Variants in MAST4 observed in about 807,000 individuals in gnomAD.
The protein encoded by MAST4 is microtubule associated serine/threonine kinase family member 4, also known as microtubule-associated serine/threonine-protein kinase 4.
In MAST4, 89 loss-of-function variants were observed where a neutral mutation model predicts 162.7. The observed-to-expected ratio is 0.55, with a 90% confidence interval of 0.46 to 0.65. MAST4 has a LOEUF of 0.65. Ranked by LOEUF, MAST4 falls within the 30% of genes least tolerant of loss-of-function variation. MAST4 has a pLI of 0.00. For missense variants in MAST4, 3,153 were observed against 3,374.0 expected, an observed-to-expected ratio of 0.93 and a Z score of 1.62; for synonymous variants, 1,479 against 1,361.1, an observed-to-expected ratio of 1.09 and a Z score of -1.91.
At chr5:67,075,794 TA>T (rs2150694891) in intron 5 of MAST4, among the ~76,000 whole-genome samples, 1 of 152,352 alleles carries the variant, frequency 6.6e-6, no homozygotes, top group Admixed American at 6.5e-5. Context: ...TTTAAGTTTT[TA>T]AAATCATACT....
At chr5:66,842,509 G>T (rs1241690915) in intron 3 of MAST4, among the ~76,000 whole-genome samples, 5 of 151,984 alleles carry the variant, frequency 3.3e-5, no homozygotes, top group African/African-American at 7.2e-5. Context: ...TCCACGTGTG[G>T]GTTCACTGAC....
intron 4 of MAST4, among the ~76,000 whole-genome samples, chr5:66,919,907 TCC>T (rs1227975041): frequency 1.1e-3 from 2 of 1,806 alleles, no homozygotes. Flanking sequence ...TCTCCTTCCT[TCC>T]TTCCTTCCTT....
chr5:66,617,389 TAC>T (rs554029607), intron 1 of MAST4, among the ~76,000 whole-genome samples: 32 of 152,318 alleles, frequency 2.1e-4, no homozygotes, highest in African/African-American at 7.5e-4. Context: ...AAGTGAAACT[TAC>T]AGAGGTTAAA....
Position 67,114,183 on chromosome 5 carries a change from AT to A in MAST4, c.1557del (p.Ser520AlafsTer33). 1 of 1,611,820 alleles carries A rather than the reference AT, an allele frequency of 6.2e-7. No individual in the cohort carries two copies. Among genetic ancestry groups the A allele is most frequent in the Non-Finnish European group, 8.5e-7 (1 of 1,179,166 alleles). ...GIKTDIPRYI[I>X]SQLGLNKDPL... Reference sequence around the variant, plus strand: ...TAAAACCGACATTCCCAGGTACATCATTAGCCAACTGGGACTCAATAAGGAT... The same window carrying A: ...TAAAACCGACATTCCCAGGTACATCATAGCCAACTGGGACTCAATAAGGAT... On this transcript the variant is annotated frameshift_variant, in exon 12 of 29. Coordinates refer to ENST00000403625, the MANE Select transcript of MAST4 (RefSeq NM_001164664.2). LOFTEE classifies it high-confidence loss of function.
intron 16 of MAST4, 82 bp downstream of exon 16, chr5:67,132,033 A>C: frequency 6.9e-7 from 1 of 1,442,546 alleles, no homozygotes. Flanking sequence ...TCTTTTAGTC[A>C]ATGTACATTT....
At chr5:66,598,777 G>C (rs767433458) in intron 1 of MAST4, among the ~76,000 whole-genome samples, 8 of 152,204 alleles carry the variant, frequency 5.3e-5, no homozygotes, top group Non-Finnish European at 1.2e-4. Context: ...GGTGCTCCAT[G>C]GTAAGTGACA....
chr5:67,165,822 C>G lies in MAST4; in HGVS notation c.6643C>G (p.Gln2215Glu), dbSNP rs1335853741. The G allele has an allele frequency of 1.2e-6, 2 of 1,612,778 alleles. No individual in the cohort carries two copies. The highest frequency in any genetic ancestry group is 1.7e-6 in the Non-Finnish European group (2 of 1,179,774). ...GCACCCCGACCGGTCCCTCTCCTCT[C>G]AGAAACCAAGTGTCGGGGCCACAAA... Reference protein sequence around the residue: ...TKHPDRSLSSQKPSVGATKGK... With the variant: ...TKHPDRSLSSEKPSVGATKGK... Residue 2215 changes from glutamine (Q) to glutamate (E), a missense_variant, in exon 29 of 29, where the codon CAG (glutamine) becomes GAG (glutamate). By Grantham distance (29) the Gln-to-Glu change is conservative (BLOSUM62 2). This residue lies in a region of MAST4 where 1,644 missense variants were observed against 1,495.0 expected (regional missense o/e 1.10). Coordinates refer to ENST00000403625, the MANE Select transcript of MAST4 (RefSeq NM_001164664.2).
intron 3 of MAST4, among the ~76,000 whole-genome samples, chr5:66,870,491 A>G (rs1302185225): frequency 2.0e-5 from 3 of 152,242 alleles, no homozygotes; most frequent in Admixed American, 2.0e-4. Context: ...ATCAAATAAT[A>G]GGAAAATGTA....
chr5:67,145,114 T>C (rs1156607820), intron 22 of MAST4, 30 bp from the exon 23 acceptor site: 1 of 1,521,094 alleles, frequency 6.6e-7, no homozygotes, highest in Admixed American at 1.9e-5. Context: ...CTAGTATGTA[T>C]ATATGACTTT....
At chr5:67,023,552 C>A (rs1051211319) in intron 4 of MAST4, among the ~76,000 whole-genome samples, 3 of 152,134 alleles carry the variant, frequency 2.0e-5, no homozygotes, top group African/African-American at 7.2e-5. Context: ...GTGAGAAAGT[C>A]TTTCTGTGGA....
chr5:67,114,080 C>T lies in MAST4; in HGVS notation c.1459-7C>T, dbSNP rs758790246. On this transcript the variant is annotated splice_region_variant and splice_polypyrimidine_tract_variant and intron_variant, in intron 11 of 28. Coordinates refer to ENST00000403625, the MANE Select transcript of MAST4 (RefSeq NM_001164664.2). Reference sequence around the variant, plus strand: ...AGAAGTATCCATCTGTGATTGTCTTCGGCTAGGAATTTGATCCGGAAGAAT... The same window carrying T: ...AGAAGTATCCATCTGTGATTGTCTTTGGCTAGGAATTTGATCCGGAAGAAT... The T allele has an allele frequency of 1.7e-5, 28 of 1,613,302 alleles. No individual in the cohort carries two copies. Among genetic ancestry groups the T allele is most frequent in the East Asian group, 6.7e-5 (3 of 44,820 alleles).
chr5:66,631,656 T>C (rs1580050329), intron 1 of MAST4, among the ~76,000 whole-genome samples: 1 of 152,164 alleles, frequency 6.6e-6, no homozygotes, highest in African/African-American at 2.4e-5. Context: ...TTGGTGATTG[T>C]TGGGTGCTTT....
At chr5:66,775,354 A>C (rs1327246075) in intron 2 of MAST4, among the ~76,000 whole-genome samples, 1 of 152,134 alleles carries the variant, frequency 6.6e-6, no homozygotes, top group African/African-American at 2.4e-5. Flanking sequence ...CTAAAAGGGA[A>C]TGCTAAGTAG....
intron 4 of MAST4, among the ~76,000 whole-genome samples, chr5:66,976,105 C>T (rs963275555): frequency 3.9e-5 from 6 of 152,224 alleles, no homozygotes; most frequent in African/African-American, 1.4e-4. Context: ...GTTGACAGCA[C>T]ATTTTAGCTT....
At chr5:66,818,331 C>G (rs1233013451) in intron 3 of MAST4, among the ~76,000 whole-genome samples, 1 of 152,042 alleles carries the variant, frequency 6.6e-6, no homozygotes, top group Non-Finnish European at 1.5e-5. Context: ...GAGCCATGGA[C>G]TCAATGTATA....
At chr5:66,838,615 C>T (rs1214403909) in intron 3 of MAST4, among the ~76,000 whole-genome samples, 3 of 152,122 alleles carry the variant, frequency 2.0e-5, no homozygotes, top group African/African-American at 7.2e-5. Context: ...ATACAGGGGC[C>T]TTGAGCATGG....
intron 1 of MAST4, among the ~76,000 whole-genome samples, chr5:66,729,817 CAG>C (rs540779522): frequency 1.3e-5 from 2 of 152,306 alleles, no homozygotes; most frequent in Admixed American, 1.3e-4. Context: ...TAATAGGTAA[CAG>C]AACTTATTTA....
chr5:66,862,986 T>C (rs1407214638), intron 3 of MAST4, among the ~76,000 whole-genome samples: 1 of 152,228 alleles, frequency 6.6e-6, no homozygotes, highest in African/African-American at 2.4e-5. Context: ...CTTTTCTACT[T>C]TCCTAATGTT....
chr5:66,712,773 A>G (rs1023674954), intron 1 of MAST4, among the ~76,000 whole-genome samples: 14 of 152,202 alleles, frequency 9.2e-5, no homozygotes, highest in African/African-American at 3.4e-4. Context: ...ACCCACTAGT[A>G]TGTCTTTGAG....
Sources: gnomAD v4.1 joint callset for allele counts (sites outside exome capture counted in the v4.1 genomes callset) on GRCh38, gnomAD v4.1.1 for gene constraint, gnomAD v4.1.1 regional missense constraint, MANE v1.5 for transcripts, NCBI Gene and HGNC (gene_info 2026-07-23, HGNC 2026-07-21) for gene names.